ZBTB44: variants seen among roughly 807,000 people sequenced by gnomAD.
ZBTB44 encodes zinc finger and BTB domain-containing protein 44.
A neutral mutation model predicts 54.0 loss-of-function variants in ZBTB44; 15 were observed. The observed-to-expected ratio is 0.28, with a 90% CI of 0.19 to 0.43. ZBTB44 has a LOEUF of 0.43. Among genes scored for constraint, ZBTB44 ranks in the 20% least tolerant of loss-of-function variants. The probability of loss-of-function intolerance (pLI) is 1.00; values close to 1 mark genes in which losing one functional copy is unlikely to be tolerated. For synonymous variants in ZBTB44, 230 were observed against 250.1 expected (o/e 0.92, Z 0.76); for missense variants, 487 against 707.1 (o/e 0.69, Z 3.53).
chr11:130,251,121 A>T (rs1033324616), intron 2 of ZBTB44, among the ~76,000 whole-genome samples: 21 of 152,204 alleles, frequency 1.4e-4, no homozygotes, highest in Non-Finnish European at 2.5e-4. Context: ...AGAGCTAAAA[A>T]ACACAGCACG....
intron 2 of ZBTB44, among the ~76,000 whole-genome samples, chr11:130,249,185 T>A (rs890839933): frequency 3.3e-5 from 5 of 152,170 alleles, no homozygotes; most frequent in African/African-American, 1.2e-4. Context: ...CTATTTCACA[T>A]GCCTAACTCA....
intron 1 of ZBTB44, among the ~76,000 whole-genome samples, chr11:130,302,104 T>C (rs1410586517): frequency 6.6e-6 from 1 of 151,954 alleles, no homozygotes; most frequent in East Asian, 1.9e-4. Flanking sequence ...AATACTTACA[T>C]AGTACCCAAT....
chr11:130,276,958 T>C (rs1675537), intron 1 of ZBTB44, among the ~76,000 whole-genome samples: 85,367 of 152,058 alleles, frequency 0.56, 27,498 homozygotes, highest in South Asian at 0.7. Flanking sequence ...AAAACCACTC[T>C]CGCTTTCTGG....
intron 2 of ZBTB44, among the ~76,000 whole-genome samples, chr11:130,249,315 ACT>A (rs1937796299): frequency 1.3e-5 from 2 of 152,192 alleles, no homozygotes; most frequent in African/African-American, 4.8e-5. Context: ...TCAATTACTG[ACT>A]CTGGTAGTTT....
chr11:130,283,031 T>C (rs1426805470), intron 1 of ZBTB44, among the ~76,000 whole-genome samples: 1 of 147,754 alleles, frequency 6.8e-6, no homozygotes, highest in Admixed American at 6.8e-5. Context: ...TTTGCCATTC[T>C]AACCTTTTTT....
chr11:130,290,673 C>T (rs1941247277), intron 1 of ZBTB44, among the ~76,000 whole-genome samples: 2 of 152,302 alleles, frequency 1.3e-5, no homozygotes, highest in South Asian at 2.1e-4. Context: ...TTGATAATCA[C>T]GCTGAACTAT....
rs1953735889 is a variant in ZBTB44 at position 130,227,535 on chromosome 11, C to T, written c.*4229G>A. 1 of 152,196 alleles carries T rather than the reference C, an allele frequency of 6.6e-6. No homozygotes were observed. Among genetic ancestry groups the T allele is most frequent in the African/African-American group, 2.4e-5 (1 of 41,444 alleles). 9.4% of individuals were successfully genotyped at this position (152,196 alleles called of 1,614,324 possible). A position where few individuals can be genotyped will look rare whatever the true frequency, so the allele number is the denominator to read the frequency against. On this transcript the variant is annotated 3_prime_UTR_variant, in exon 8 of 8. Transcript: ENST00000357899. ...CTGGCAGGGTAAAAAAGTCCCCCCG[C>T]CCCGACTTCCTTGCTGCCGGGCTAT...
intron 2 of ZBTB44, among the ~76,000 whole-genome samples, chr11:130,245,281 TTC>T (rs769212625): frequency 9.9e-5 from 15 of 152,232 alleles, no homozygotes; most frequent in Non-Finnish European, 2.1e-4. Flanking sequence ...TCCCAGGTTC[TTC>T]TGACTTGTTT....
At chr11:130,248,994 C>T (rs960466556) in intron 2 of ZBTB44, among the ~76,000 whole-genome samples, 1 of 151,974 alleles carries the variant, frequency 6.6e-6, no homozygotes, top group Non-Finnish European at 1.5e-5. Flanking sequence ...GTCCCAGCTA[C>T]TTGGGAGGCT....
At chr11:130,312,016 C>T (rs1356112017) in intron 1 of ZBTB44, among the ~76,000 whole-genome samples, 1 of 152,136 alleles carries the variant, frequency 6.6e-6, no homozygotes, top group Admixed American at 6.5e-5. Context: ...TCATTCACCC[C>T]TGCCCCAAAA....
chr11:130,299,551 T>C (rs1941875985), intron 1 of ZBTB44, among the ~76,000 whole-genome samples: 1 of 143,870 alleles, frequency 7.0e-6, no homozygotes, highest in Non-Finnish European at 1.5e-5. Flanking sequence ...AGACTTCGTC[T>C]CGGGGACAAA....
chr11:130,230,446 A>C lies in ZBTB44; in HGVS notation c.*1318T>G, dbSNP rs886188516. 7.6e-6 allele frequency: 1 copy of C among 131,322 alleles called. No individual in the cohort carries two copies. Among genetic ancestry groups the C allele is most frequent in the African/African-American group, 2.9e-5 (1 of 34,748 alleles). 8.1% of individuals were successfully genotyped at this position (131,322 alleles called of 1,614,324 possible). On this transcript the variant is annotated 3_prime_UTR_variant, in exon 8 of 8. Transcript: ENST00000357899. ...TTTTTTTTTTTTTTGCTAGTTATTA[A>C]GAACAAAGGGCATGTGTCGTAACAG...
chr11:130,289,031 T>C (rs967472671), intron 1 of ZBTB44, among the ~76,000 whole-genome samples: 1 of 152,204 alleles, frequency 6.6e-6, no homozygotes, highest in African/African-American at 2.4e-5. Context: ...ATCTGCAAGA[T>C]TCTACCAAAT....
At chr11:130,255,713 G>GAT (rs1202897942) in intron 2 of ZBTB44, among the ~76,000 whole-genome samples, 1 of 151,932 alleles carries the variant, frequency 6.6e-6, no homozygotes, top group Non-Finnish European at 1.5e-5. Flanking sequence ...TGATAAAAGG[G>GAT]ATGTCATTAT....
rs1033263682 is a variant in ZBTB44 at position 130,261,009 on chromosome 11, C to A, written c.865G>T (p.Val289Phe). 1 of 1,613,982 alleles carries A rather than the reference C, an allele frequency of 6.2e-7. No homozygotes were observed. Among genetic ancestry groups the A allele is most frequent in the Non-Finnish European group, 8.5e-7 (1 of 1,179,894 alleles). Residue 289 changes from valine (V) to phenylalanine (F), a missense_variant, in exon 2 of 8, where the codon GTC (valine) becomes TTC (phenylalanine). Around this residue, in one of 3 missense-constraint regions of ZBTB44, gnomAD observed 277 missense variants for 306.5 expected, o/e 0.90. Coordinates refer to ENST00000357899, the MANE Select transcript of ZBTB44 (RefSeq NM_001301098.2). The surrounding 1 kb of genome is among the most constrained non-coding windows in gnomAD (Gnocchi z 4.8). ...LPLGTEEDVR[V>F]KVERLSDEEV... is the part of the protein sequence containing the mutation. ...TCATCACTTAATCTTTCTACTTTGA[C>A]CCGGACATCTTCTTCGGTACCTAAA...
chr11:130,242,503 G>T (rs1380659196), intron 2 of ZBTB44, among the ~76,000 whole-genome samples: 2 of 151,738 alleles, frequency 1.3e-5, no homozygotes, highest in Non-Finnish European at 2.9e-5. Flanking sequence ...TTTTGGCAAT[G>T]ATTTGCTGAT....
At chr11:130,262,689 A>C (rs954161394) in intron 1 of ZBTB44, among the ~76,000 whole-genome samples, 1 of 152,154 alleles carries the variant, frequency 6.6e-6, no homozygotes, top group African/African-American at 2.4e-5. Context: ...TATGCAGGTA[A>C]ATGTATAGAG....
chr11:130,230,195 G>A lies in ZBTB44; in HGVS notation c.*1569C>T, dbSNP rs1953823407. 1 of 151,892 alleles carries A rather than the reference G, an allele frequency of 6.6e-6. No homozygotes were observed. Among genetic ancestry groups the A allele is most frequent in the South Asian group, 2.1e-4 (1 of 4,828 alleles). 9.4% of individuals were successfully genotyped at this position (151,892 alleles called of 1,614,324 possible). A position where few individuals can be genotyped will look rare whatever the true frequency, so the allele number is the denominator to read the frequency against. Reference sequence around the variant, plus strand: ...TTCAAGAATAAAAGCTGATAAAATAGATAACTGGCCTCTATTTAGATTAAG... The same window carrying A: ...TTCAAGAATAAAAGCTGATAAAATAAATAACTGGCCTCTATTTAGATTAAG... On this transcript the variant is annotated 3_prime_UTR_variant, in exon 8 of 8. Transcript: ENST00000357899.
At chr11:130,262,049 A>G in intron 1 of ZBTB44, 120 bp from the exon 2 acceptor site, 1 of 716,858 alleles carries the variant, frequency 1.4e-6, no homozygotes, top group African/African-American at 1.8e-5. Context: ...GTGACAGAGA[A>G]ACTTCAAGGT....
Sources: allele counts gnomAD v4.1 joint callset (sites outside exome capture counted in the v4.1 genomes callset), GRCh38; gene constraint gnomAD v4.1.1; regional missense constraint gnomAD v4.1.1; non-coding constraint Gnocchi (gnomAD v3.1); transcripts MANE v1.5; gene names NCBI Gene and HGNC (gene_info 2026-07-23, HGNC 2026-07-21).